The following VGLL4 variants were observed in gnomAD, a reference collection of about 807,000 sequenced individuals.
The protein encoded by VGLL4 is vestigial like family member 4, also known as transcription cofactor vestigial-like protein 4.
In VGLL4, 7 loss-of-function variants were observed where a neutral mutation model predicts 21.0. The ratio of observed to expected loss-of-function variants is 0.33; its 90% CI spans 0.19 to 0.63. VGLL4 has a LOEUF of 0.63. Among genes scored for constraint, VGLL4 ranks in the 20% least tolerant of loss-of-function variants. VGLL4 has a pLI of 0.78. For missense variants in VGLL4, 394 were observed against 425.7 expected (o/e 0.93, Z 0.66); for synonymous variants, 222 against 173.2 (o/e 1.28, Z -2.21).
intron 1 of VGLL4, among the ~76,000 whole-genome samples, chr3:11,623,154 C>G (rs907454481): frequency 3.9e-5 from 6 of 152,098 alleles, no homozygotes; most frequent in African/African-American, 1.2e-4. Flanking sequence ...AGAATCAAAG[C>G]CCCTCACTAA....
chr3:11,717,086 A>AGG (rs1193568514), intron 1 of VGLL4, among the ~76,000 whole-genome samples: 13 of 152,092 alleles, frequency 8.5e-5, no homozygotes, highest in African/African-American at 3.1e-4. Flanking sequence ...ACAAGAAGGC[A>AGG]ATACCCTGCC....
intron 2 of VGLL4, among the ~76,000 whole-genome samples, chr3:11,657,230 T>C (rs910235670): frequency 1.3e-5 from 2 of 152,114 alleles, no homozygotes; most frequent in African/African-American, 4.8e-5. Context: ...ACTCCGATCA[T>C]TCCTCTTTTC....
chr3:11,689,494 C>A (rs936303881), intron 2 of VGLL4, among the ~76,000 whole-genome samples: 1 of 152,154 alleles, frequency 6.6e-6, no homozygotes, highest in Non-Finnish European at 1.5e-5. Context: ...TCTAAAAGAT[C>A]TTTTTTCACA....
chr3:11,581,080 A>ATTT (rs775369420), intron 2 of VGLL4, among the ~76,000 whole-genome samples: 25,223 of 143,226 alleles, frequency 0.18, 2,670 homozygotes, highest in African/African-American at 0.29. Flanking sequence ...TTTTTTTTTA[A>ATTT]AAAAAAAGAT....
At chr3:11,650,499 C>T (rs565463336) in intron 2 of VGLL4, among the ~76,000 whole-genome samples, 71 of 152,216 alleles carry the variant, frequency 4.7e-4, no homozygotes, top group South Asian at 8.3e-4. Flanking sequence ...AAATAAAATG[C>T]TTTCATTTGA....
intron 2 of VGLL4, among the ~76,000 whole-genome samples, chr3:11,677,552 G>C (rs2076309388): frequency 6.6e-6 from 1 of 152,160 alleles, no homozygotes; most frequent in African/African-American, 2.4e-5. Flanking sequence ...TGAGACCACA[G>C]ACATGAGCCA....
rs1176851665 is a variant in VGLL4, at chr3:11,564,790, G to C, written c.495+7C>G. 5 of 1,542,110 alleles carry C rather than the reference G, an allele frequency of 3.2e-6. No homozygotes were observed. The highest frequency in any genetic ancestry group is 4.4e-6 in the Non-Finnish European group (5 of 1,148,882). On this transcript the variant is annotated splice_region_variant and intron_variant, in intron 3 of 4. Coordinates refer to ENST00000430365, the MANE Select transcript of VGLL4 (RefSeq NM_001128219.3). ...TCCCCACGCCACCCTCCCAGACAGA[G>C]GCCCACCTGCTGCCGCTCCCCCGGG...
rs77584540 is a variant in VGLL4, at chr3:11,631,016, T to C, written c.82+12421A>G. ...CATCATCCATCAAGTTTAGAAGAGA[T>C]GAGCAAATTGTGGTATACGCATAAG... is the stretch of plus-strand genomic sequence containing the variant. On this transcript the variant is annotated intron_variant, in intron 1 of 4. Transcript: ENST00000430365. Among the ~76,000 whole-genome samples, 362 of 152,324 alleles carry C rather than the reference T, an allele frequency of 2.4e-3. 6 individuals are homozygous for C. Among genetic ancestry groups the C allele is most frequent in the Admixed American group, 0.015 (223 of 15,292 alleles).
At chr3:11,665,145 G>A (rs1369980137) in intron 2 of VGLL4, among the ~76,000 whole-genome samples, 3 of 109,754 alleles carry the variant, frequency 2.7e-5, no homozygotes, top group South Asian at 2.8e-4. Context: ...ACGGAGTCTC[G>A]CTCTGTCACC....
At chr3:11,602,076 G>T in intron 1 of VGLL4, 54 bp from the exon 2 acceptor site, 1 of 1,440,268 alleles carries the variant, frequency 6.9e-7, no homozygotes, top group South Asian at 1.5e-5. Flanking sequence ...CCCCATCTCA[G>T]TCCCCCAGGC....
intron 2 of VGLL4, among the ~76,000 whole-genome samples, chr3:11,676,720 A>G (rs1395152638): frequency 2.0e-5 from 3 of 152,032 alleles, no homozygotes; most frequent in Non-Finnish European, 4.4e-5. Flanking sequence ...TTATTCAGCA[A>G]TCTTCCTAGA....
chr3:11,615,790 C>G (rs2125292386), intron 1 of VGLL4, among the ~76,000 whole-genome samples: 1 of 152,252 alleles, frequency 6.6e-6, no homozygotes, highest in Middle Eastern at 3.4e-3. Flanking sequence ...CAACTGGGGA[C>G]ACATTTTCAT....
chr3:11,646,179 G>A (rs1434006424), upstream of VGLL4, among the ~76,000 whole-genome samples: 1 of 152,114 alleles, frequency 6.6e-6, no homozygotes, highest in Non-Finnish European at 1.5e-5. Flanking sequence ...CCTATCAATT[G>A]TAATTAAAAT....
chr3:11,633,826 C>CG, intron 1 of VGLL4, among the ~76,000 whole-genome samples: 1 of 152,198 alleles, frequency 6.6e-6, no homozygotes, highest in Middle Eastern at 3.4e-3. Context: ...AGCAGTTTCA[C>CG]GTTATGTGGA....
At chr3:11,582,233 G>A (rs2074247033) in intron 2 of VGLL4, 1 of 1,585,348 alleles carries the variant, frequency 6.3e-7, no homozygotes, top group Admixed American at 1.7e-5. Flanking sequence ...GTTGCCATCT[G>A]GTTTGAAAAA....
chr3:11,579,305 TA>T (rs2074157471), intron 2 of VGLL4, among the ~76,000 whole-genome samples: 1 of 151,718 alleles, frequency 6.6e-6, no homozygotes, highest in South Asian at 2.1e-4. Context: ...TCCAGGTACT[TA>T]GCAAGGCTAC....
chr3:11,564,416 C>T (rs1222185208), intron 3 of VGLL4, among the ~76,000 whole-genome samples: 6 of 151,984 alleles, frequency 3.9e-5, no homozygotes, highest in South Asian at 2.1e-4. Context: ...CCCCCCCACC[C>T]GAGGATGACT....
At chr3:11,713,978 G>A (rs1373472657) in intron 1 of VGLL4, among the ~76,000 whole-genome samples, 3 of 152,130 alleles carry the variant, frequency 2.0e-5, no homozygotes, top group South Asian at 2.1e-4. Flanking sequence ...GCAGGGGTAC[G>A]ATACTTAGTC....
intron 2 of VGLL4, among the ~76,000 whole-genome samples, chr3:11,658,107 T>C (rs2075982429): frequency 7.3e-6 from 1 of 137,622 alleles, no homozygotes; most frequent in Non-Finnish European, 1.5e-5. Flanking sequence ...CTAATTTTTG[T>C]ATTTTTTTGT....
Sources: allele counts gnomAD v4.1 joint callset (sites outside exome capture counted in the v4.1 genomes callset), GRCh38; gene constraint gnomAD v4.1.1; transcripts MANE v1.5; gene names NCBI Gene and HGNC (gene_info 2026-07-23, HGNC 2026-07-21).